Variants in COL4A3 observed in about 807,000 individuals in gnomAD.
The protein encoded by COL4A3 is collagen type IV alpha 3 chain, also known as collagen alpha-3(IV) chain.
Under a neutral mutation model 217.4 loss-of-function variants are expected in COL4A3, and 135 were observed. That is an observed-to-expected ratio of 0.62 (90% confidence interval 0.54 to 0.72). The LOEUF (loss-of-function observed/expected upper bound fraction) is 0.72, where lower values mean the gene tolerates loss of function less well. COL4A3 is among the 30% of genes least tolerant of loss of function. The pLI, the probability that COL4A3 is intolerant of heterozygous loss-of-function variation, is 0.00. For missense variants in COL4A3, 1,868 were observed against 2,119.9 expected (o/e 0.88, Z 2.33); for synonymous variants, 690 against 736.3 (o/e 0.94, Z 1.02).
chr2:227,291,580 CAAAAAAAAAAAACAA>C (rs1242409390), intron 37 of COL4A3, among the ~76,000 whole-genome samples: 1 of 31,598 alleles, frequency 3.2e-5, no homozygotes, highest in African/African-American at 6.5e-5. Context: ...AAAAAAAAAA[CAAAAAAAAAAAACAA>C]AAAAAAAAAC....
intron 38 of COL4A3, 142 bp from the exon 39 acceptor site, chr2:227,294,348 C>A: frequency 2.7e-6 from 2 of 754,364 alleles, no homozygotes; most frequent in Non-Finnish European, 2.4e-6. Flanking sequence ...TGGACAAAAT[C>A]ATGGGGTGAC....
chr2:227,199,838 A>G (rs561474422), intron 1 of COL4A3, among the ~76,000 whole-genome samples: 2 of 152,322 alleles, frequency 1.3e-5, no homozygotes, highest in Non-Finnish European at 2.9e-5. Context: ...GTAAAAACAA[A>G]CAAACAAACA....
In COL4A3 at chr2:227,282,959, CA is replaced by C. The variant is rs1559897770; in HGVS notation, c.2656+428del. On this transcript the variant is annotated intron_variant, in intron 32 of 51. Coordinates refer to ENST00000396578, the MANE Select transcript of COL4A3 (RefSeq NM_000091.5). The surrounding 1 kb of genome is among the most constrained non-coding windows in gnomAD (Gnocchi z 4.4). Reference sequence around the variant, plus strand: ...TTGTGAAGAATCGACGCTCTTTAAACATTTGGTAGAATTCACCAGTGAAGTT... The same window carrying C: ...TTGTGAAGAATCGACGCTCTTTAAACTTTGGTAGAATTCACCAGTGAAGTT... 6.6e-6 allele frequency among the ~76,000 whole-genome samples: 1 copy of C among 152,158 alleles called. No individual in the cohort carries two copies. Among genetic ancestry groups the C allele is most frequent in the Non-Finnish European group, 1.5e-5 (1 of 68,028 alleles).
chr2:227,305,088 A>AC lies in COL4A3; in HGVS notation c.4252+10dup. On this transcript the variant is annotated splice_donor_region_variant and intron_variant, in intron 47 of 51. Transcript: ENST00000396578. ...AAGGTTCTAAAGGAGAGCCAGGTAA[A>AC]CCCCCAGCTTGTTTCCTCACCGAAG... 3 of 1,612,634 alleles carry AC rather than the reference A, an allele frequency of 1.9e-6. No homozygotes were observed. Among genetic ancestry groups the AC allele is most frequent in the Non-Finnish European group, 2.5e-6 (3 of 1,179,170 alleles).
chr2:227,292,784 TC>T (rs1195351588), intron 37 of COL4A3, among the ~76,000 whole-genome samples: 2 of 152,206 alleles, frequency 1.3e-5, no homozygotes, highest in African/African-American at 4.8e-5. Context: ...TTAATATCTA[TC>T]TCCTTACTGG....
At chr2:227,212,340 A>C (rs546315424) in intron 1 of COL4A3, among the ~76,000 whole-genome samples, 27 of 152,196 alleles carry the variant, frequency 1.8e-4, no homozygotes, top group African/African-American at 6.5e-4. Context: ...TTTTAATGAT[A>C]TCTTTCCCTA....
intron 50 of COL4A3, among the ~76,000 whole-genome samples, chr2:227,309,995 T>C (rs1344345148): frequency 1.3e-5 from 2 of 152,188 alleles, no homozygotes; most frequent in African/African-American, 4.8e-5. Flanking sequence ...AAAACGCTCA[T>C]AGGTAATTTC....
At chr2:227,288,900 G>A (rs2072500930) in intron 34 of COL4A3, among the ~76,000 whole-genome samples, 1 of 151,642 alleles carries the variant, frequency 6.6e-6, no homozygotes, top group African/African-American at 2.4e-5. Flanking sequence ...GATGTGGATG[G>A]GTCTGACAAA....
intron 40 of COL4A3, 60 bp from the exon 41 acceptor site, chr2:227,295,209 A>G (rs1206770926): frequency 6.3e-7 from 1 of 1,575,822 alleles, no homozygotes; most frequent in Non-Finnish European, 8.7e-7. Context: ...AACTTTTCTC[A>G]TAGACATATA....
In COL4A3 at chr2:227,203,249, A is replaced by G. The variant is rs778697268; in HGVS notation, c.88-34719A>G. Among the ~76,000 whole-genome samples the G allele has an allele frequency of 2.1e-3, 33 of 15,498 alleles. 1 individual carries two copies. Among genetic ancestry groups the G allele is most frequent in the Non-Finnish European group, 3.5e-3 (27 of 7,662 alleles). 10.2% of individuals were successfully genotyped at this position (15,498 alleles called of 152,430 possible). A position where few individuals can be genotyped will look rare whatever the true frequency, so the allele number is the denominator to read the frequency against. On this transcript the variant is annotated intron_variant, in intron 1 of 51. Transcript: ENST00000396578. ...TGTATATATGTGTATATATACATAT[A>G]TGTATATATACATATATGTGTATAT...
At chr2:227,211,920 G>A (rs1243585942) in intron 1 of COL4A3, among the ~76,000 whole-genome samples, 1 of 152,066 alleles carries the variant, frequency 6.6e-6, no homozygotes, top group South Asian at 2.1e-4. Flanking sequence ...GCCTGCCTTG[G>A]CCTCCCAAAG....
intron 18 of COL4A3, among the ~76,000 whole-genome samples, chr2:227,258,805 G>A (rs1470147623): frequency 6.6e-6 from 1 of 152,194 alleles, no homozygotes. Context: ...GATTAAATAA[G>A]TATTTTGTGA....
At chr2:227,167,351 T>C (rs1399464612) in intron 1 of COL4A3, among the ~76,000 whole-genome samples, 5 of 152,222 alleles carry the variant, frequency 3.3e-5, no homozygotes, top group Non-Finnish European at 7.3e-5. Context: ...GAGAATTAAA[T>C]ACCTCTGCTA....
rs543720803 is a variant in COL4A3 at position 227,243,538 on chromosome 2, G to GA, written c.235-781dup. Among the ~76,000 whole-genome samples the GA allele has an allele frequency of 9.8e-5, 15 of 152,336 alleles. No individual in the cohort carries two copies. The South Asian group carries it at 2.5e-3, about 25-fold the overall frequency. Reference sequence around the variant, plus strand: ...CACCCCGGAATTCCGCCATAGATGGGAGAGACTGACTTTGGCCTTGACAGT... The same window carrying GA: ...CACCCCGGAATTCCGCCATAGATGGGAAGAGACTGACTTTGGCCTTGACAGT... On this transcript the variant is annotated intron_variant, in intron 3 of 51. Coordinates refer to ENST00000396578, the MANE Select transcript of COL4A3 (RefSeq NM_000091.5).
chr2:227,268,571 G>A (rs1167814934), intron 23 of COL4A3: 1 of 152,262 alleles, frequency 6.6e-6, no homozygotes, highest in South Asian at 2.1e-4. Flanking sequence ...ACTGTGGTCA[G>A]CCACTGGATG....
In COL4A3 at chr2:227,248,435, T is replaced by C. The variant is rs2069484929; in HGVS notation, c.469-8T>C. ...TGATGATGTTTGATGAACTTCTTCA[T>C]TTTCAAGGGTGCTCCTGCTAAAGAA... On this transcript the variant is annotated splice_polypyrimidine_tract_variant and splice_region_variant and intron_variant, in intron 8 of 51. Transcript: ENST00000396578. 1.3e-6 allele frequency: 2 copies of C among 1,589,844 alleles called. No homozygotes were observed. Among genetic ancestry groups the C allele is most frequent in the Non-Finnish European group, 8.6e-7 (1 of 1,158,078 alleles).
At chr2:227,287,548 A>G (rs1202741216) in intron 34 of COL4A3, among the ~76,000 whole-genome samples, 1 of 152,242 alleles carries the variant, frequency 6.6e-6, no homozygotes, top group Non-Finnish European at 1.5e-5. Flanking sequence ...CAAACAGACT[A>G]AACAGTATAT....
At chr2:227,214,774 A>C (rs1440293335) in intron 1 of COL4A3, among the ~76,000 whole-genome samples, 1 of 152,230 alleles carries the variant, frequency 6.6e-6, no homozygotes, top group Non-Finnish European at 1.5e-5. Context: ...AAATGTGGTC[A>C]GCTGGATATT....
chr2:227,280,847 C>G (rs538142630), intron 30 of COL4A3, 46 bp from the exon 31 acceptor site: 2 of 1,369,560 alleles, frequency 1.5e-6, no homozygotes, highest in Non-Finnish European at 1.0e-6. Flanking sequence ...AATACCAAGA[C>G]CTTAAGTTCT....
Sources: gnomAD v4.1 joint callset for allele counts (sites outside exome capture counted in the v4.1 genomes callset) on GRCh38, gnomAD v4.1.1 for gene constraint, Gnocchi (gnomAD v3.1) non-coding constraint, MANE v1.5 for transcripts, NCBI Gene and HGNC (gene_info 2026-07-23, HGNC 2026-07-21) for gene names.